Variants in ZNF385D observed in about 807,000 individuals in gnomAD.
ZNF385D encodes the protein zinc finger protein 385D, also known as zinc finger protein 659.
In ZNF385D, 15 loss-of-function variants were observed where a neutral mutation model predicts 35.8. The observed-to-expected ratio is 0.42, with a 90% CI of 0.28 to 0.64. The LOEUF (loss-of-function observed/expected upper bound fraction) is 0.64. Among genes scored for constraint, ZNF385D ranks in the 30% least tolerant of loss-of-function variants. The pLI, the probability that ZNF385D is intolerant of heterozygous loss-of-function variation, is 0.23. For missense variants in ZNF385D, 474 were observed against 494.6 expected, an observed-to-expected ratio of 0.96 and a Z score of 0.39; for synonymous variants, 212 against 186.8, an observed-to-expected ratio of 1.13 and a Z score of -1.10.
chr3:21,540,315 C>G (rs1290840058), intron 3 of ZNF385D, among the ~76,000 whole-genome samples: 1 of 152,144 alleles, frequency 6.6e-6, no homozygotes, highest in Non-Finnish European at 1.5e-5. Flanking sequence ...GACATGACAA[C>G]TCAATGAGAC....
chr3:22,364,471 A>G (rs1023183193), intron 2 of ZNF385D, among the ~76,000 whole-genome samples: 1 of 152,156 alleles, frequency 6.6e-6, no homozygotes, highest in African/African-American at 2.4e-5. Flanking sequence ...AAGGAGACAT[A>G]CAAATGGCTA....
intron 2 of ZNF385D, among the ~76,000 whole-genome samples, chr3:22,177,931 T>A (rs572793760): frequency 5.6e-4 from 85 of 152,356 alleles, no homozygotes; most frequent in African/African-American, 2.0e-3. Flanking sequence ...TTTTTATGGC[T>A]GTACAGTATT....
intron 3 of ZNF385D, among the ~76,000 whole-genome samples, chr3:21,564,257 C>A (rs1224091891): frequency 6.6e-6 from 1 of 151,972 alleles, no homozygotes; most frequent in Non-Finnish European, 1.5e-5. Context: ...TTCCATTGGT[C>A]GAAAGTTTTA....
intron 1 of ZNF385D, among the ~76,000 whole-genome samples, chr3:21,724,477 CAAAAAAAAAAAAAAAAAAAA>C (rs200803155): frequency 0.012 from 600 of 52,014 alleles, 5 homozygotes; most frequent in Non-Finnish European, 0.016. Flanking sequence ...AATGGAAAGC[CAAAAAAAAAAAAAAAAAAAA>C]AAAAAAAAAA....
chr3:22,094,124 G>A (rs191929218), intron 3 of ZNF385D, among the ~76,000 whole-genome samples: 3 of 151,850 alleles, frequency 2.0e-5, no homozygotes, highest in South Asian at 4.2e-4. Flanking sequence ...TTAAAAATAC[G>A]TGTCATTGCT....
intron 3 of ZNF385D, among the ~76,000 whole-genome samples, chr3:22,073,388 A>T (rs982331859): frequency 2.0e-4 from 31 of 151,552 alleles, no homozygotes; most frequent in African/African-American, 7.5e-4. Flanking sequence ...GGTGGGTGAG[A>T]GGGTAAAATG....
chr3:21,644,861 T>A (rs574747682), intron 2 of ZNF385D, among the ~76,000 whole-genome samples: 2 of 152,320 alleles, frequency 1.3e-5, no homozygotes, highest in African/African-American at 4.8e-5. Context: ...ACAACTTTTT[T>A]AAAATAAAAA....
intron 3 of ZNF385D, among the ~76,000 whole-genome samples, chr3:21,950,230 CTTT>C (rs1296754537): frequency 2.0e-5 from 3 of 151,790 alleles, no homozygotes; most frequent in Non-Finnish European, 1.5e-5. Context: ...TGTTTCCTGA[CTTT>C]TTAATGATCA....
chr3:21,577,236 A>C (rs1378457436), intron 2 of ZNF385D, among the ~76,000 whole-genome samples: 2 of 152,166 alleles, frequency 1.3e-5, no homozygotes, highest in Admixed American at 1.3e-4. Context: ...TTTAGCTTCC[A>C]CATATGAGTG....
At position 21,414,750 on chromosome 3, in the gene ZNF385D, T is replaced by G. The variant is rs560200068; in HGVS notation, c.*6464A>C. ...ATGCTCGATCTTGTGCCCAGATCCC[T>G]TGGCCACAAGGCTTTTTCGCCAATA... On this transcript the variant is annotated 3_prime_UTR_variant, in exon 8 of 8. Coordinates refer to ENST00000281523, the MANE Select transcript of ZNF385D (RefSeq NM_024697.3). The G allele has an allele frequency of 6.6e-6, 1 of 152,250 alleles. No homozygotes were observed. Among genetic ancestry groups the G allele is most frequent in the African/African-American group, 2.4e-5 (1 of 41,570 alleles). 9.4% of individuals were successfully genotyped at this position (152,250 alleles called of 1,614,324 possible).
intron 2 of ZNF385D, among the ~76,000 whole-genome samples, chr3:22,300,992 T>A (rs548865679): frequency 2.5e-4 from 38 of 152,194 alleles, no homozygotes; most frequent in Middle Eastern, 3.4e-3. Context: ...ATTCCCATGT[T>A]CTTTGCAGAT....
At chr3:21,633,680 T>C (rs1303115568) in intron 2 of ZNF385D, among the ~76,000 whole-genome samples, 1 of 152,156 alleles carries the variant, frequency 6.6e-6, no homozygotes, top group Non-Finnish European at 1.5e-5. Flanking sequence ...AAATTCATTA[T>C]GATTCTCAAA....
intron 2 of ZNF385D, among the ~76,000 whole-genome samples, chr3:21,616,460 A>G (rs2125802479): frequency 6.6e-6 from 1 of 152,322 alleles, no homozygotes; most frequent in African/African-American, 2.4e-5. Context: ...TCCTTGCGGG[A>G]GAATTTTTGA....
chr3:22,007,455 T>C (rs1006504667), intron 3 of ZNF385D, among the ~76,000 whole-genome samples: 4 of 152,238 alleles, frequency 2.6e-5, no homozygotes, highest in African/African-American at 7.2e-5. Context: ...AATAACCTTG[T>C]GTATAAGTTG....
At chr3:21,445,932 T>A (rs1702123602) in intron 4 of ZNF385D, among the ~76,000 whole-genome samples, 1 of 152,202 alleles carries the variant, frequency 6.6e-6, no homozygotes, top group Admixed American at 6.6e-5. Flanking sequence ...CTCCTTTGGC[T>A]CTCAAAACAT....
At chr3:22,022,786 G>A (rs1005254269) in intron 3 of ZNF385D, among the ~76,000 whole-genome samples, 4 of 152,068 alleles carry the variant, frequency 2.6e-5, no homozygotes, top group South Asian at 2.1e-4. Context: ...AAAATATATG[G>A]AGAAATAGTA....
intron 2 of ZNF385D, among the ~76,000 whole-genome samples, chr3:22,223,699 CAAAG>C (rs1698392651): frequency 6.6e-6 from 1 of 151,936 alleles, no homozygotes; most frequent in Non-Finnish European, 1.5e-5. Flanking sequence ...ATGCACAAGA[CAAAG>C]AAACAAAAAT....
In ZNF385D at chr3:21,994,974, C is replaced by T. The variant is rs117216638; in HGVS notation, c.325+173843G>A. On this transcript the variant is annotated intron_variant, in intron 3 of 5. Coordinates refer to the ZNF385D transcript ENST00000494108. The stretch of plus-strand genomic sequence containing the variant: ...AACACTTGAGCCCTCAGATGGCATA[C>T]ATGTGCAGTGATGTTAGTGGGTCCA... Among the ~76,000 whole-genome samples, 254 of 152,330 alleles carry T rather than the reference C, an allele frequency of 1.7e-3. 4 individuals are homozygous for T. In the East Asian group the frequency reaches 0.03, roughly 18 times the overall value.
At chr3:21,583,955 T>TTTATTTATTTAC (rs1440938416) in intron 2 of ZNF385D, among the ~76,000 whole-genome samples, 1 of 114,062 alleles carries the variant, frequency 8.8e-6, no homozygotes, top group African/African-American at 4.1e-5. Context: ...ATTTTACTTA[T>TTTATTTATTTAC]TTACTTATTT....
Sources: gnomAD v4.1 joint callset for allele counts (sites outside exome capture counted in the v4.1 genomes callset) on GRCh38, gnomAD v4.1.1 for gene constraint, MANE v1.5 for transcripts, NCBI Gene and HGNC (gene_info 2026-07-23, HGNC 2026-07-21) for gene names.